PTGFRN: variants seen among roughly 807,000 people sequenced by gnomAD.
PTGFRN encodes prostaglandin F2 receptor negative regulator.
PTGFRN carries 35 observed loss-of-function variants against 83.2 expected under a neutral mutation model. The ratio of observed to expected loss-of-function variants is 0.42; its 90% CI spans 0.32 to 0.56. The LOEUF is 0.56. Ranked by LOEUF, PTGFRN falls within the 20% of genes least tolerant of loss-of-function variation. The probability of loss-of-function intolerance (pLI) is 0.11; values close to 1 mark genes in which losing one functional copy is unlikely to be tolerated. For synonymous variants in PTGFRN, 519 were observed against 498.6 expected (o/e 1.04, Z -0.55); for missense variants, 1,051 against 1,179.5 (o/e 0.89, Z 1.60).
At chr1:116,973,863 C>T (rs1456489025) in intron 6 of PTGFRN, among the ~76,000 whole-genome samples, 1 of 152,202 alleles carries the variant, frequency 6.6e-6, no homozygotes, top group African/African-American at 2.4e-5. Flanking sequence ...CCCTAAGCCA[C>T]CCTGGCCTAG....
intron 3 of PTGFRN, among the ~76,000 whole-genome samples, chr1:116,946,296 G>C (rs1172744841): frequency 6.6e-6 from 1 of 152,204 alleles, no homozygotes; most frequent in Non-Finnish European, 1.5e-5. Context: ...TTGGAAAAGT[G>C]GGTGGTGGAA....
intron 6 of PTGFRN, among the ~76,000 whole-genome samples, chr1:116,972,020 C>T (rs1393461898): frequency 6.6e-6 from 1 of 152,146 alleles, no homozygotes; most frequent in African/African-American, 2.4e-5. Context: ...CCCTTGCTCA[C>T]CATGGTTGCT....
At chr1:116,947,736 A>G (rs1157544043) in intron 3 of PTGFRN, among the ~76,000 whole-genome samples, 1 of 152,186 alleles carries the variant, frequency 6.6e-6, no homozygotes, top group Non-Finnish European at 1.5e-5. Flanking sequence ...TCTGGCCACA[A>G]GCTTTGACTG....
At position 116,949,552 on chromosome 1, in the gene PTGFRN, G is replaced by C; in HGVS notation, c.1193G>C (p.Gly398Ala). 1 of 1,613,366 alleles carries C rather than the reference G, an allele frequency of 6.2e-7. No individual in the cohort carries two copies. The highest frequency in any genetic ancestry group is 8.5e-7 in the Non-Finnish European group (1 of 1,179,918). The part of the protein sequence containing the change: ...KVAEAVSSPA[G>A]VGVTWLEPDY... Reference sequence around the variant, plus strand: ...GCAGAGGCCGTGTCTTCCCCAGCTGGTGTGGGTGTGACCTGGCTAGGTGAG... The same window carrying C: ...GCAGAGGCCGTGTCTTCCCCAGCTGCTGTGGGTGTGACCTGGCTAGGTGAG... The change falls in exon 4 of 9, where the codon GGT becomes GCT. Residue 398 changes from glycine (G) to alanine (A), a missense_variant. By Grantham distance (60) the Gly-to-Ala change is moderately conservative. Coordinates refer to ENST00000393203, the MANE Select transcript of PTGFRN (RefSeq NM_020440.4).
intron 7 of PTGFRN, among the ~76,000 whole-genome samples, chr1:116,983,244 G>T (rs1356301008): frequency 6.6e-6 from 1 of 152,186 alleles, no homozygotes; most frequent in East Asian, 1.9e-4. Context: ...CAGGCAGCCT[G>T]GCCCTGGAGC....
At chr1:116,969,389 C>A (rs1339674296) in intron 6 of PTGFRN, among the ~76,000 whole-genome samples, 2 of 152,124 alleles carry the variant, frequency 1.3e-5, no homozygotes, top group Non-Finnish European at 2.9e-5. Flanking sequence ...TTTGGCACCC[C>A]TGTCAAAAAT....
At position 116,941,780 on chromosome 1, in the gene PTGFRN, C is replaced by A. The variant is rs1415218741; in HGVS notation, c.115C>A (p.Leu39Met). 6.2e-7 allele frequency: 1 copy of A among 1,614,058 alleles called. No homozygotes were observed. Residue 39 changes from leucine (L) to methionine (M), a missense_variant, in exon 2 of 9, where the codon CTG (leucine) becomes ATG (methionine). By Grantham distance (15) the Leu-to-Met change is conservative. Around this residue, in one of 3 missense-constraint regions of PTGFRN, gnomAD observed 127 missense variants for 168.4 expected, o/e 0.75. Coordinates refer to ENST00000393203, the MANE Select transcript of PTGFRN (RefSeq NM_020440.4). This position sits in a 1 kb window ranked among gnomAD's most constrained non-coding sequence, Gnocchi z 5.0. ...ATLVRVVGTELVIPCNVSDYD... is the reference protein window; with the variant it reads ...ATLVRVVGTEMVIPCNVSDYD... ...CCTGGTTCGAGTGGTGGGCACTGAG[C>A]TGGTCATCCCCTGCAACGTCAGTGA... is the stretch of plus-strand genomic sequence containing the variant.
intron 2 of PTGFRN, 76 bp from the exon 3 acceptor site, chr1:116,944,603 G>A: frequency 7.7e-7 from 1 of 1,295,272 alleles, no homozygotes; most frequent in Non-Finnish European, 9.9e-7. Context: ...ATTGTCTGTG[G>A]TTGCAGCGGT....
At chr1:116,966,391 T>C (rs1650832268) in intron 5 of PTGFRN, among the ~76,000 whole-genome samples, 1 of 152,266 alleles carries the variant, frequency 6.6e-6, no homozygotes. Context: ...CACTATCATA[T>C]GATTAAACAG....
chr1:116,971,672 C>G (rs1240306508), intron 6 of PTGFRN, among the ~76,000 whole-genome samples: 1 of 152,224 alleles, frequency 6.6e-6, no homozygotes, highest in Non-Finnish European at 1.5e-5. Flanking sequence ...CAATGCAGGC[C>G]TTTTCCCCAG....
intron 6 of PTGFRN, among the ~76,000 whole-genome samples, chr1:116,970,530 G>A (rs1650964644): frequency 6.6e-6 from 1 of 152,076 alleles, no homozygotes; most frequent in South Asian, 2.1e-4. Context: ...AGAGTATTTT[G>A]TATCTATTTC....
rs150412059 is a variant in PTGFRN at position 116,961,993 on chromosome 1, C to T, written c.1639+325C>T. On this transcript the variant is annotated intron_variant, in intron 5 of 8. Coordinates refer to ENST00000393203, the MANE Select transcript of PTGFRN (RefSeq NM_020440.4). This position sits in a 1 kb window ranked among gnomAD's most constrained non-coding sequence, Gnocchi z 5.4. ...AGGACACTCTTTCCCCTGGAGAAAC[C>T]GTTACCTCTCTGAGGACAGTTTCCC... Among the ~76,000 whole-genome samples the T allele has an allele frequency of 1.1e-4, 16 of 152,286 alleles. No individual in the cohort carries two copies. The highest frequency in any genetic ancestry group is 8.3e-4 in the South Asian group (4 of 4,824).
At position 116,914,647 on chromosome 1, in the gene PTGFRN, G is replaced by C. The variant is rs1237391588; in HGVS notation, c.49+4395G>C. 2.0e-5 allele frequency among the ~76,000 whole-genome samples: 3 copies of C among 152,014 alleles called. No individual in the cohort carries two copies. In the East Asian group the frequency reaches 5.8e-4, roughly 29 times the overall value. ...CATGTGCCTGTGGTTCCAGCTACTT[G>C]GGAGGCTGAGTGGGGAGGATCACTT... On this transcript the variant is annotated intron_variant, in intron 1 of 8. Coordinates refer to ENST00000393203, the MANE Select transcript of PTGFRN (RefSeq NM_020440.4).
In PTGFRN at chr1:116,923,035, G is replaced by T. The variant is rs2101053157; in HGVS notation, c.49+12783G>T. Among the ~76,000 whole-genome samples, 1 of 152,248 alleles carries T rather than the reference G, an allele frequency of 6.6e-6. No homozygotes were observed. Among genetic ancestry groups the T allele is most frequent in the South Asian group, 2.1e-4 (1 of 4,826 alleles). On this transcript the variant is annotated intron_variant, in intron 1 of 8. Transcript: ENST00000393203. The surrounding 1 kb of genome is among the most constrained non-coding windows in gnomAD (Gnocchi z 4.0). ...CAGCCTGCGTCAGCTCTTGGTGATG[G>T]GCTGTCACTCAGCCACCTTCCTTGA... is the stretch of plus-strand genomic sequence containing the variant.
In PTGFRN at chr1:116,949,331, C is replaced by T. The variant is rs1438090760; in HGVS notation, c.972C>T (p.Thr324=). 6.2e-7 allele frequency: 1 copy of T among 1,614,258 alleles called. No individual in the cohort carries two copies. Among genetic ancestry groups the T allele is most frequent in the South Asian group, 1.1e-5 (1 of 91,088 alleles). The part of the protein sequence containing the change: ...TWSFSRMPDS[T]LPGSRVLARL... ...CCTTCAGCAGGATGCCTGACAGCAC[C>T]CTACCTGGCTCCCGCGTGTTGGCGC... The change falls in exon 4 of 9, where the codon ACC becomes ACT. Residue 324 remains threonine, a synonymous_variant. Coordinates refer to ENST00000393203, the MANE Select transcript of PTGFRN (RefSeq NM_020440.4).
In PTGFRN at chr1:116,927,113, C is replaced by T. The variant is rs116081649; in HGVS notation, c.50-14602C>T. On this transcript the variant is annotated intron_variant, in intron 1 of 8. Transcript: ENST00000393203. ...CAGAAGCAGAAAGAGCAAGGACAAACGGGTGTCTACTAGCACCTTCACATC... is the reference window on the plus strand; with the variant it reads ...CAGAAGCAGAAAGAGCAAGGACAAATGGGTGTCTACTAGCACCTTCACATC... 6.0e-3 allele frequency among the ~76,000 whole-genome samples: 921 copies of T among 152,250 alleles called. 8 individuals carry two copies. The highest frequency in any genetic ancestry group is 0.02 in the African/African-American group (841 of 41,512).
rs573654153 is a variant in PTGFRN at position 116,942,227 on chromosome 1, A to G, written c.418+144A>G. 17 of 1,210,384 alleles carry G rather than the reference A, an allele frequency of 1.4e-5. No homozygotes were observed. In the East Asian group the frequency reaches 1.5e-4, roughly 11 times the overall value. 75.0% of individuals were successfully genotyped at this position (1,210,384 alleles called of 1,614,324 possible). A position where few individuals can be genotyped will look rare whatever the true frequency, so the allele number is the denominator to read the frequency against. The stretch of plus-strand genomic sequence containing the variant: ...GGGAATAATCATGTCTTAAATAATC[A>G]TGTCTTAAAATTTAAAAATCATTGT... On this transcript the variant is annotated intron_variant, in intron 2 of 8. Transcript: ENST00000393203.
At chr1:116,985,069 CAG>C (rs749512269) in intron 8 of PTGFRN, 84 bp downstream of exon 8, 907 of 1,410,142 alleles carry the variant, frequency 6.4e-4, no homozygotes, top group Non-Finnish European at 8.5e-4. Context: ...CAGGTGGCCA[CAG>C]TTTGAGGAAT....
At chr1:116,984,625 C>T (rs902739909) in intron 7 of PTGFRN, 55 bp from the exon 8 acceptor site, 10 of 1,547,296 alleles carry the variant, frequency 6.5e-6, no homozygotes, top group Non-Finnish European at 8.8e-6. Context: ...TGTGGCCATA[C>T]ATATGACTTC....
Sources: allele counts gnomAD v4.1 joint callset (sites outside exome capture counted in the v4.1 genomes callset), GRCh38; gene constraint gnomAD v4.1.1; regional missense constraint gnomAD v4.1.1; non-coding constraint Gnocchi (gnomAD v3.1); transcripts MANE v1.5; gene names NCBI Gene and HGNC (gene_info 2026-07-23, HGNC 2026-07-21).